Variants in DLG3 observed in about 807,000 individuals in gnomAD.
The protein encoded by DLG3 is disks large homolog 3.
DLG3 carries 1 observed loss-of-function variant against 64.1 expected under a neutral mutation model. The observed-to-expected ratio is 0.02, with a 90% CI of 0.01 to 0.07. The LOEUF (loss-of-function observed/expected upper bound fraction) is 0.07, where lower values mean the gene tolerates loss of function less well. Among genes scored for constraint, DLG3 ranks in the 10% least tolerant of loss-of-function variants. The pLI is 1.00. For synonymous variants in DLG3, 245 were observed against 259.8 expected (o/e 0.94, Z 0.55); for missense variants, 429 against 669.5 (o/e 0.64, Z 3.96).
chrX:70,446,082 C>G (rs1028558055), intron 1 of DLG3, among the ~76,000 whole-genome samples: 1 of 110,971 alleles, frequency 9.0e-6, no homozygotes. Context: ...ATGAGTCCCT[C>G]TCCGTCCCAG....
At chrX:70,476,235 C>T (rs1227644081) in intron 9 of DLG3, among the ~76,000 whole-genome samples, 2 of 111,992 alleles carry the variant, frequency 1.8e-5, no homozygotes, top group Admixed American at 9.5e-5. Flanking sequence ...CAGTTGGGTT[C>T]ATCTGAATGG....
chrX:70,484,533 TG>T (rs1323387431), intron 10 of DLG3, among the ~76,000 whole-genome samples: 3 of 111,326 alleles, frequency 2.7e-5, no homozygotes, highest in African/African-American at 9.8e-5. Flanking sequence ...TGATAGAATT[TG>T]GGGGTGGGGA....
In DLG3 at chrX:70,502,298, A is replaced by G. The variant is rs1338334195; in HGVS notation, c.*29A>G. 16 of 1,057,303 alleles carry G rather than the reference A, an allele frequency of 1.5e-5. No homozygotes were observed. The highest frequency in any genetic ancestry group is 2.0e-5 in the Non-Finnish European group (15 of 760,309). 87.1% of individuals were successfully genotyped at this position (1,057,303 alleles called of 1,213,427 possible). A position where few individuals can be genotyped will look rare whatever the true frequency, so the allele number is the denominator to read the frequency against. On this transcript the variant is annotated 3_prime_UTR_variant, in exon 19 of 19. Coordinates refer to ENST00000374360, the MANE Select transcript of DLG3 (RefSeq NM_021120.4). ...ATCCCCTCCAACCATTCTCTTGTGAACAGAAGAAATCAAGTCCCTCTTCCC... is the reference window on the plus strand; with the variant it reads ...ATCCCCTCCAACCATTCTCTTGTGAGCAGAAGAAATCAAGTCCCTCTTCCC...
intron 9 of DLG3, among the ~76,000 whole-genome samples, chrX:70,466,247 T>TTGTA (rs2086882476): frequency 1.2e-5 from 1 of 84,446 alleles, no homozygotes; most frequent in Non-Finnish European, 2.3e-5. Flanking sequence ...TCTTGGTCAT[T>TTGTA]TGTGTGTGTG....
intron 18 of DLG3, among the ~76,000 whole-genome samples, 155 bp from the exon 19 acceptor site, chrX:70,502,008 C>G (rs1490648055): frequency 9.0e-6 from 1 of 110,792 alleles, no homozygotes; most frequent in African/African-American, 3.3e-5. Context: ...CCAGTGAACC[C>G]AAGCCCAAAC....
chrX:70,480,509 TC>T (rs1032710990), intron 10 of DLG3, among the ~76,000 whole-genome samples: 33 of 111,358 alleles, frequency 3.0e-4, no homozygotes, highest in African/African-American at 9.8e-4. Flanking sequence ...TATGCTTACC[TC>T]CCGCTGTGAA....
At chrX:70,480,744 G>A (rs1441302644) in intron 10 of DLG3, among the ~76,000 whole-genome samples, 2 of 112,217 alleles carry the variant, frequency 1.8e-5, no homozygotes, top group Non-Finnish European at 1.9e-5. Context: ...CCCCGCAGAT[G>A]TGGCACTCCA....
chrX:70,464,532 A>T (rs1005939761), intron 9 of DLG3, among the ~76,000 whole-genome samples: 1 of 112,036 alleles, frequency 8.9e-6, no homozygotes, highest in Non-Finnish European at 1.9e-5. Flanking sequence ...CAGTGCTGGG[A>T]TTACAGGCTT....
chrX:70,483,356 G>T (rs1223010097), intron 10 of DLG3, among the ~76,000 whole-genome samples: 1 of 112,936 alleles, frequency 8.9e-6, no homozygotes, highest in Non-Finnish European at 1.9e-5. Flanking sequence ...AAAACACAAG[G>T]CTAAGAATTT....
intron 5 of DLG3, 108 bp from the exon 6 acceptor site, chrX:70,450,531 G>C: frequency 9.7e-7 from 1 of 1,025,989 alleles, no homozygotes; most frequent in South Asian, 2.0e-5. Context: ...CACTATACTT[G>C]GGCCTTTGTT....
intron 5 of DLG3, 131 bp from the exon 6 acceptor site, chrX:70,450,508 C>T (rs1053405940): frequency 1.2e-5 from 11 of 953,145 alleles, no homozygotes; most frequent in Non-Finnish European, 1.6e-5. Flanking sequence ...CCTCCTGCCT[C>T]TGCTCCTCAC....
rs1388935744 is a variant in DLG3 at position 70,499,894 on chromosome X, C to T, written c.1990C>T (p.Arg664Cys). 8.3e-7 allele frequency: 1 copy of T among 1,208,816 alleles called. No homozygotes were observed. Among genetic ancestry groups the T allele is most frequent in the Non-Finnish European group, 1.1e-6 (1 of 894,058 alleles). ...SCVPHTTRPR[R>C]DNEVDGQDYH... The stretch of plus-strand genomic sequence containing the variant: ...TCCTTCAGATACTACCCGGCCTCGA[C>T]GTGATAATGAGGTGGATGGACAAGA... The change falls in exon 16 of 19, where the codon CGT becomes TGT. Residue 664 changes from arginine to cysteine, a missense_variant. Coordinates refer to ENST00000374360, the MANE Select transcript of DLG3 (RefSeq NM_021120.4).
intron 9 of DLG3, among the ~76,000 whole-genome samples, chrX:70,459,335 G>C (rs545718474): frequency 8.9e-6 from 1 of 112,564 alleles, no homozygotes; most frequent in South Asian, 3.7e-4. Flanking sequence ...GTAAGGCCTG[G>C]AAGAGTTAGA....
At chrX:70,462,538 G>A (rs1349671286) in intron 9 of DLG3, among the ~76,000 whole-genome samples, 4 of 111,287 alleles carry the variant, frequency 3.6e-5, no homozygotes, top group Admixed American at 9.6e-5. Flanking sequence ...GATTACAGGC[G>A]CGAGCCACCA....
chrX:70,501,243 C>T (rs1017635261), intron 18 of DLG3, among the ~76,000 whole-genome samples: 14 of 111,292 alleles, frequency 1.3e-4, no homozygotes, highest in Non-Finnish European at 2.4e-4. Context: ...TTGTCTTGTC[C>T]TTACTAGATT....
At chrX:70,501,573 G>A (rs1334781952) in intron 18 of DLG3, among the ~76,000 whole-genome samples, 1 of 111,212 alleles carries the variant, frequency 9.0e-6, no homozygotes, top group Non-Finnish European at 1.9e-5. Flanking sequence ...GGTGACACTA[G>A]GTTAACTGTG....
intron 9 of DLG3, among the ~76,000 whole-genome samples, chrX:70,458,151 C>T (rs982643358): frequency 9.0e-6 from 1 of 111,172 alleles, no homozygotes; most frequent in African/African-American, 3.3e-5. Context: ...GCTGGGATTA[C>T]AGGTGTGAGC....
At chrX:70,472,685 T>TACAC (rs2086990478) in intron 9 of DLG3, among the ~76,000 whole-genome samples, 2 of 112,221 alleles carry the variant, frequency 1.8e-5, no homozygotes, top group Admixed American at 1.9e-4. Flanking sequence ...CTGTGGAGAA[T>TACAC]ACACAAACAT....
chrX:70,498,475 G>A, intron 13 of DLG3, 45 bp from the exon 14 acceptor site: 2 of 1,178,627 alleles, frequency 1.7e-6, no homozygotes, highest in Non-Finnish European at 2.3e-6. Context: ...TGTACAGAAG[G>A]AGGCAGATCA....
Sources: allele counts gnomAD v4.1 joint callset (sites outside exome capture counted in the v4.1 genomes callset), GRCh38; gene constraint gnomAD v4.1.1; transcripts MANE v1.5; gene names NCBI Gene and HGNC (gene_info 2026-07-23, HGNC 2026-07-21).